HECTD2: variants seen among roughly 807,000 people sequenced by gnomAD.
The protein encoded by HECTD2 is probable E3 ubiquitin-protein ligase HECTD2.
Under a neutral mutation model 103.2 loss-of-function variants are expected in HECTD2, and 35 were observed. The ratio of observed to expected loss-of-function variants is 0.34; its 90% confidence interval spans 0.26 to 0.45. HECTD2 has a LOEUF of 0.45. HECTD2 is among the 20% of genes least tolerant of loss of function. The probability of loss-of-function intolerance (pLI) is 1.00; values close to 1 mark genes in which losing one functional copy is unlikely to be tolerated. For missense variants in HECTD2, 596 were observed against 937.4 expected (o/e 0.64, Z 4.76); for synonymous variants, 281 against 329.9 (o/e 0.85, Z 1.61).
At chr10:91,427,854 T>C (rs1172798897) in intron 2 of HECTD2, among the ~76,000 whole-genome samples, 2 of 152,074 alleles carry the variant, frequency 1.3e-5, no homozygotes, top group Non-Finnish European at 2.9e-5. Context: ...GTAGTTTCTT[T>C]TGCTGTGCAG....
At chr10:91,410,300 G>T, upstream of HECTD2, 1 of 289,680 alleles carries the variant, frequency 3.5e-6, no homozygotes, top group South Asian at 1.2e-4. Flanking sequence ...GGGCGCGGGC[G>T]GGGGCGGAGT....
intron 2 of HECTD2, among the ~76,000 whole-genome samples, chr10:91,451,169 C>A (rs1319049971): frequency 6.6e-6 from 1 of 152,176 alleles, no homozygotes; most frequent in African/African-American, 2.4e-5. Flanking sequence ...GGCACATATG[C>A]ACCATGTAAT....
At chr10:91,425,176 A>G (rs1301336576) in intron 1 of HECTD2, 105 bp from the exon 2 acceptor site, 1 of 917,138 alleles carries the variant, frequency 1.1e-6, no homozygotes, top group African/African-American at 1.7e-5. Context: ...TCTATTATCT[A>G]CTCGTCATCA....
intron 20 of HECTD2, among the ~76,000 whole-genome samples, chr10:91,506,977 A>G (rs1191808543): frequency 1.3e-5 from 2 of 151,730 alleles, no homozygotes; most frequent in Non-Finnish European, 2.9e-5. Context: ...AATATACGCA[A>G]ATCAATAAAT....
At chr10:91,507,106 G>C (rs1293588021) in intron 20 of HECTD2, among the ~76,000 whole-genome samples, 1 of 152,074 alleles carries the variant, frequency 6.6e-6, no homozygotes, top group African/African-American at 2.4e-5. Context: ...AATAAATTAG[G>C]TATTGATGGG....
At chr10:91,460,623 A>G in intron 3 of HECTD2, 58 bp downstream of exon 3, 1 of 1,475,040 alleles carries the variant, frequency 6.8e-7, no homozygotes, top group Non-Finnish European at 9.1e-7. Flanking sequence ...CACTTTACAT[A>G]ATTTAATATC....
At chr10:91,430,612 T>C (rs1843814745) in intron 2 of HECTD2, among the ~76,000 whole-genome samples, 1 of 152,204 alleles carries the variant, frequency 6.6e-6, no homozygotes. Context: ...CTTGTTGAAT[T>C]GATCCCTTTA....
intron 1 of HECTD2, among the ~76,000 whole-genome samples, chr10:91,411,170 T>G (rs972913643): frequency 5.1e-4 from 77 of 152,272 alleles, no homozygotes; most frequent in African/African-American, 1.8e-3. Context: ...TTTGAACCTT[T>G]TATTTAAACC....
intron 20 of HECTD2, among the ~76,000 whole-genome samples, chr10:91,510,786 G>A (rs1208595001): frequency 2.0e-5 from 3 of 152,128 alleles, no homozygotes; most frequent in Non-Finnish European, 4.4e-5. Context: ...TCATACAAAT[G>A]TATGTCTGGT....
intron 5 of HECTD2, among the ~76,000 whole-genome samples, chr10:91,476,965 G>T (rs1210734105): frequency 1.3e-5 from 2 of 150,936 alleles, no homozygotes; most frequent in Non-Finnish European, 3.0e-5. Flanking sequence ...TGGATCATGA[G>T]GTCAGGAGAT....
chr10:91,509,843 G>C (rs1378343509), intron 20 of HECTD2, among the ~76,000 whole-genome samples: 1 of 152,068 alleles, frequency 6.6e-6, no homozygotes, highest in Non-Finnish European at 1.5e-5. Flanking sequence ...TATTACCTGG[G>C]TGATGAGATA....
At chr10:91,419,308 C>T (rs1021865865) in intron 1 of HECTD2, among the ~76,000 whole-genome samples, 3 of 152,074 alleles carry the variant, frequency 2.0e-5, no homozygotes, top group Non-Finnish European at 2.9e-5. Flanking sequence ...ATTTAAGATT[C>T]AGTCTGTTCC....
rs1308888932 is a variant in HECTD2, at chr10:91,412,523, C to T, written c.138+1947C>T. Reference sequence around the variant, plus strand: ...AGGCTGAAGTGCAGTAGCCTGATCTCGGCTCACTGCAATCTCTGCCTCTCG... The same window carrying T: ...AGGCTGAAGTGCAGTAGCCTGATCTTGGCTCACTGCAATCTCTGCCTCTCG... On this transcript the variant is annotated intron_variant, in intron 1 of 20. Transcript: ENST00000298068. 6.7e-5 allele frequency among the ~76,000 whole-genome samples: 10 copies of T among 150,086 alleles called. No individual in the cohort carries two copies. The South Asian group carries it at 1.5e-3, about 22-fold the overall frequency.
intron 2 of HECTD2, among the ~76,000 whole-genome samples, chr10:91,431,630 T>A (rs1037548099): frequency 2.6e-5 from 4 of 152,104 alleles, no homozygotes; most frequent in Admixed American, 6.6e-5. Flanking sequence ...TTCATTCATT[T>A]CATCTTCCAT....
chr10:91,456,808 GAA>G (rs528490546), intron 2 of HECTD2, among the ~76,000 whole-genome samples: 8 of 152,124 alleles, frequency 5.3e-5, no homozygotes, highest in Admixed American at 2.0e-4. Flanking sequence ...CGTAGGAAAA[GAA>G]GAGAAAATCA....
chr10:91,433,227 A>G (rs755976398), intron 2 of HECTD2, among the ~76,000 whole-genome samples: 1 of 151,902 alleles, frequency 6.6e-6, no homozygotes, highest in South Asian at 2.1e-4. Flanking sequence ...TCTTTTTTAT[A>G]TTAAAGATAA....
At position 91,447,716 on chromosome 10, in the gene HECTD2, AAAAG is replaced by A. The variant is rs1434089198; in HGVS notation, c.269-12707_269-12704del. The stretch of plus-strand genomic sequence containing the variant: ...TGGAAAGCAAAAAAAAAAAGAAAAA[AAAAG>A]AAAAAAAAAAGCAAGGGTTGCAATC... On this transcript the variant is annotated intron_variant, in intron 2 of 20. Coordinates refer to ENST00000298068, the MANE Select transcript of HECTD2 (RefSeq NM_182765.6). Among the ~76,000 whole-genome samples, 11 of 73,388 alleles carry A rather than the reference AAAAG, an allele frequency of 1.5e-4. 1 individual carries two copies. The highest frequency in any genetic ancestry group is 5.3e-4 in the Admixed American group (4 of 7,534). 48.1% of individuals were successfully genotyped at this position (73,388 alleles called of 152,430 possible). A position where few individuals can be genotyped will look rare whatever the true frequency, so the allele number is the denominator to read the frequency against.
In HECTD2 at chr10:91,493,533, A is replaced by G; in HGVS notation, c.1521+25A>G. Reference sequence around the variant, plus strand: ...TGTATCCTTTAAACTTTCCACTAGGAGGTGCTAATAGATTAGAGATTTTTA... The same window carrying G: ...TGTATCCTTTAAACTTTCCACTAGGGGGTGCTAATAGATTAGAGATTTTTA... On this transcript the variant is annotated intron_variant, in intron 14 of 20. Transcript: ENST00000298068. 3.4e-6 allele frequency: 4 copies of G among 1,160,396 alleles called. No homozygotes were observed. In the East Asian group the frequency reaches 7.8e-5, roughly 23 times the overall value. The allele number at this position is 1,160,396 out of a possible 1,614,324, so 71.9% of individuals were successfully genotyped here.
intron 14 of HECTD2, among the ~76,000 whole-genome samples, chr10:91,494,778 T>C (rs1846605004): frequency 6.6e-6 from 1 of 152,056 alleles, no homozygotes; most frequent in South Asian, 2.1e-4. Flanking sequence ...GCCTAATCAT[T>C]GATGCTTGTC....
Sources: allele counts gnomAD v4.1 joint callset (sites outside exome capture counted in the v4.1 genomes callset), GRCh38; gene constraint gnomAD v4.1.1; transcripts MANE v1.5; gene names NCBI Gene and HGNC (gene_info 2026-07-23, HGNC 2026-07-21).